The following CSMD1 variants were observed in gnomAD, a reference collection of about 807,000 sequenced individuals.
The protein encoded by CSMD1 is CUB and Sushi multiple domains 1.
A neutral mutation model predicts 417.5 loss-of-function variants in CSMD1; 213 were observed. The ratio of observed to expected loss-of-function variants is 0.51; its 90% CI spans 0.46 to 0.57. The LOEUF is 0.57. CSMD1 is among the 20% of genes least tolerant of loss of function. CSMD1 has a pLI of 0.00. For missense variants in CSMD1, 6,923 were observed against 4,529.7 expected, an observed-to-expected ratio of 1.53 and a Z score of -15.17; for synonymous variants, 2,862 against 1,736.8, an observed-to-expected ratio of 1.65 and a Z score of -16.11.
rs929099890 is a variant in CSMD1 at position 4,170,720 on chromosome 8, A to AT, written c.416-138622dup. 5.7e-3 allele frequency among the ~76,000 whole-genome samples: 853 copies of AT among 148,544 alleles called. 16 individuals carry two copies. The highest frequency in any genetic ancestry group is 0.013 in the African/African-American group (535 of 40,338). On this transcript the variant is annotated intron_variant, in intron 3 of 69. Transcript: ENST00000635120. The stretch of plus-strand genomic sequence containing the variant: ...GTAAACTGATATAGCTAGCATGTGG[A>AT]TTTTTTTTTTTCTAAATTAATACTG...
At position 3,523,971 on chromosome 8, in the gene CSMD1, G is replaced by GCA. The variant is rs201043919; in HGVS notation, c.1345-30247_1345-30246dup. 8.2e-5 allele frequency among the ~76,000 whole-genome samples: 10 copies of GCA among 122,230 alleles called. No individual in the cohort carries two copies. The East Asian group carries it at 1.6e-3, about 19-fold the overall frequency. The allele number at this position is 122,230 out of a possible 152,430, so 80.2% of individuals were successfully genotyped here. ...TGCATACACATGCACACTTACACAT[G>GCA]CACACACACATGCACACCCAGAGAC... On this transcript the variant is annotated intron_variant, in intron 10 of 69. Transcript: ENST00000635120.
intron 2 of CSMD1, among the ~76,000 whole-genome samples, chr8:4,421,915 A>G (rs1797271042): frequency 6.6e-6 from 1 of 152,102 alleles, no homozygotes; most frequent in Non-Finnish European, 1.5e-5. Flanking sequence ...GACTGACTAA[A>G]TAATTGGGAG....
chr8:4,111,886 G>GA (rs1323613387), intron 3 of CSMD1, among the ~76,000 whole-genome samples: 4 of 152,158 alleles, frequency 2.6e-5, no homozygotes, highest in African/African-American at 9.7e-5. Flanking sequence ...ACCTATGTAA[G>GA]AAACCTGCAC....
At chr8:4,233,900 G>A (rs1455247495) in intron 3 of CSMD1, among the ~76,000 whole-genome samples, 1 of 149,644 alleles carries the variant, frequency 6.7e-6, no homozygotes, top group East Asian at 2.0e-4. Context: ...CCAGTACTTG[G>A]ATGAACCAAT....
intron 1 of CSMD1, among the ~76,000 whole-genome samples, chr8:4,955,013 G>A (rs773487716): frequency 2.6e-5 from 4 of 152,082 alleles, no homozygotes; most frequent in African/African-American, 7.2e-5. Flanking sequence ...TTTCTTAGAC[G>A]AGAAAGCCAG....
chr8:4,059,074 G>C (rs1378393859), intron 3 of CSMD1, among the ~76,000 whole-genome samples: 1 of 152,096 alleles, frequency 6.6e-6, no homozygotes, highest in Non-Finnish European at 1.5e-5. Flanking sequence ...TAAAAGAACA[G>C]AAATTATAAC....
chr8:3,751,844 G>C (rs1039845749), intron 6 of CSMD1, among the ~76,000 whole-genome samples: 1 of 152,110 alleles, frequency 6.6e-6, no homozygotes, highest in Admixed American at 6.5e-5. Flanking sequence ...TTAATTCACT[G>C]TTGTTCAGTT....
At chr8:3,217,985 C>T (rs556632660) in intron 29 of CSMD1, among the ~76,000 whole-genome samples, 1 of 152,120 alleles carries the variant, frequency 6.6e-6, no homozygotes, top group Non-Finnish European at 1.5e-5. Context: ...TGTAATACAC[C>T]TTGTATTTTA....
chr8:4,025,105 G>C (rs1044742289), intron 4 of CSMD1, among the ~76,000 whole-genome samples: 1 of 152,186 alleles, frequency 6.6e-6, no homozygotes, highest in Non-Finnish European at 1.5e-5. Flanking sequence ...AATAAAAGGG[G>C]ACACCGAAGG....
At chr8:3,827,149 G>C (rs527894411) in intron 5 of CSMD1, among the ~76,000 whole-genome samples, 3 of 152,218 alleles carry the variant, frequency 2.0e-5, no homozygotes, top group South Asian at 4.1e-4. Flanking sequence ...TGCTCACACA[G>C]TTTAGAACCT....
At chr8:4,622,232 G>A (rs1373452292) in intron 2 of CSMD1, among the ~76,000 whole-genome samples, 4 of 151,608 alleles carry the variant, frequency 2.6e-5, no homozygotes, top group African/African-American at 9.7e-5. Flanking sequence ...GGCTCAGGCA[G>A]AGTACTCAAA....
At chr8:3,244,837 G>A (rs1799776543) in intron 26 of CSMD1, among the ~76,000 whole-genome samples, 1 of 152,186 alleles carries the variant, frequency 6.6e-6, no homozygotes, top group South Asian at 2.1e-4. Flanking sequence ...TCTTCAGCAG[G>A]GACACTGCTT....
intron 3 of CSMD1, among the ~76,000 whole-genome samples, chr8:4,034,876 C>G (rs1029410976): frequency 2.6e-5 from 4 of 152,162 alleles, no homozygotes; most frequent in African/African-American, 9.7e-5. Context: ...CAATGGAAAT[C>G]TATCAAATAA....
In CSMD1 at chr8:3,796,339, T is replaced by TAG. The variant is rs1800128773; in HGVS notation, c.819-42298_819-42297insCT. On this transcript the variant is annotated intron_variant, in intron 5 of 69. Coordinates refer to ENST00000635120, the MANE Select transcript of CSMD1 (RefSeq NM_033225.6). The stretch of plus-strand genomic sequence containing the variant: ...GATATCTATCATGTATAGATATAGA[T>TAG]ATATATCTATCATGTATAGATATAG... 2.1e-5 allele frequency among the ~76,000 whole-genome samples: 2 copies of TAG among 97,384 alleles called. 1 individual carries two copies. The highest frequency in any genetic ancestry group is 4.0e-5 in the Non-Finnish European group (2 of 49,474). The allele number at this position is 97,384 out of a possible 152,430, so 63.9% of individuals were successfully genotyped here. A position where few individuals can be genotyped will look rare whatever the true frequency, so the allele number is the denominator to read the frequency against.
chr8:3,567,904 A>T (rs138499275), intron 10 of CSMD1, among the ~76,000 whole-genome samples: 2 of 152,148 alleles, frequency 1.3e-5, no homozygotes, highest in East Asian at 3.9e-4. Context: ...CCTTCCACAC[A>T]TCATCACACA....
chr8:3,165,649 G>T (rs1441929770), intron 37 of CSMD1, among the ~76,000 whole-genome samples: 24 of 151,994 alleles, frequency 1.6e-4, no homozygotes, highest in Admixed American at 1.6e-3. Context: ...AGCCAGGGTG[G>T]TCTTGAACTC....
At chr8:4,254,070 C>G (rs1803272065) in intron 3 of CSMD1, among the ~76,000 whole-genome samples, 1 of 151,882 alleles carries the variant, frequency 6.6e-6, no homozygotes. Flanking sequence ...GTGCCCACCA[C>G]CACGCCTGGC....
chr8:3,272,590 A>T, intron 26 of CSMD1, among the ~76,000 whole-genome samples: 1 of 135,832 alleles, frequency 7.4e-6, no homozygotes, highest in Non-Finnish European at 1.6e-5. Flanking sequence ...ATTTGTTTGT[A>T]TCTTCTTTTA....
At chr8:4,711,021 C>A (rs1015110410) in intron 1 of CSMD1, among the ~76,000 whole-genome samples, 2 of 151,864 alleles carry the variant, frequency 1.3e-5, no homozygotes, top group Non-Finnish European at 1.5e-5. Context: ...GTGCCCAGGC[C>A]TTTTCTAGTT....
Sources: gnomAD v4.1 joint callset for allele counts (sites outside exome capture counted in the v4.1 genomes callset) on GRCh38, gnomAD v4.1.1 for gene constraint, MANE v1.5 for transcripts, NCBI Gene and HGNC (gene_info 2026-07-23, HGNC 2026-07-21) for gene names.